Variants in LRRD1 observed in about 807,000 individuals in gnomAD.
The protein encoded by LRRD1 is leucine-rich repeat and death domain-containing protein 1.
LRRD1 carries 49 observed loss-of-function variants against 69.5 expected under a neutral mutation model. That is an observed-to-expected ratio of 0.70 (90% CI 0.56 to 0.89). The LOEUF (loss-of-function observed/expected upper bound fraction) is 0.89, where lower values mean the gene tolerates loss of function less well. LRRD1 is among the 40% of genes least tolerant of loss of function. LRRD1 has a pLI of 0.00. For synonymous variants in LRRD1, 303 were observed against 338.9 expected (o/e 0.89, Z 1.16); for missense variants, 853 against 956.0 (o/e 0.89, Z 1.42).
At chr7:92,150,068 A>G (rs1820427123) in intron 4 of LRRD1, 1 of 284,136 alleles carries the variant, frequency 3.5e-6, no homozygotes, top group Non-Finnish European at 7.4e-6. Context: ...TGAATTATCA[A>G]AACAAACTCC....
intron 1 of LRRD1, among the ~76,000 whole-genome samples, chr7:92,172,556 G>GA (rs35806171): frequency 3.5e-4 from 52 of 148,450 alleles, no homozygotes; most frequent in African/African-American, 1.0e-3. Flanking sequence ...TGAACAATCT[G>GA]AAAAAAAAAA....
Position 92,144,904 on chromosome 7 carries a change from C to A in LRRD1, c.2567G>T (p.Arg856Leu). 1 of 1,489,892 alleles carries A rather than the reference C, an allele frequency of 6.7e-7. No individual in the cohort carries two copies. The highest frequency in any genetic ancestry group is 9.0e-7 in the Non-Finnish European group (1 of 1,111,488). The allele number at this position is 1,489,892 out of a possible 1,614,324, so 92.3% of individuals were successfully genotyped here. A position where few individuals can be genotyped will look rare whatever the true frequency, so the allele number is the denominator to read the frequency against. Residue 856 changes from arginine to leucine, a missense_variant, in exon 6 of 6, where the codon CGT (arginine) becomes CTT (leucine). Arg to Leu is a moderately radical substitution (Grantham distance 102). This residue lies in a region of LRRD1 where 739 missense variants were observed against 808.0 expected (regional missense o/e 0.91). Transcript: ENST00000458448. ...DKITALNLFT[R>L]AIKF Reference sequence around the variant, plus strand: ...ATCCACTGGTTAGAATTTAATTGCACGCGTAAAAAGATTTAAAGCTGTTAT... The same window carrying A: ...ATCCACTGGTTAGAATTTAATTGCAAGCGTAAAAAGATTTAAAGCTGTTAT...
chr7:92,172,264 T>C (rs6947025), intron 1 of LRRD1, among the ~76,000 whole-genome samples: 59 of 152,206 alleles, frequency 3.9e-4, no homozygotes, highest in African/African-American at 1.4e-3. Context: ...TTGAAAGCAT[T>C]TCCTCTAAGA....
At chr7:92,157,040 T>C (rs1356531096) in intron 3 of LRRD1, among the ~76,000 whole-genome samples, 2 of 150,510 alleles carry the variant, frequency 1.3e-5, no homozygotes, top group Non-Finnish European at 3.0e-5. Context: ...TTTTTTTTTT[T>C]TTTTTTTTGA....
chr7:92,177,496 T>C (rs1052866385), intron 1 of LRRD1, among the ~76,000 whole-genome samples: 1 of 152,208 alleles, frequency 6.6e-6, no homozygotes, highest in Non-Finnish European at 1.5e-5. Context: ...ATTCTACACA[T>C]AATGCCCCTG....
intron 3 of LRRD1, among the ~76,000 whole-genome samples, 200 bp from the exon 4 acceptor site, chr7:92,150,895 G>A (rs917875089): frequency 6.6e-6 from 1 of 152,138 alleles, no homozygotes; most frequent in African/African-American, 2.4e-5. Flanking sequence ...TTCTCTCCTA[G>A]GGGTGGCAAA....
intron 3 of LRRD1, among the ~76,000 whole-genome samples, chr7:92,151,964 A>G (rs1000783614): frequency 1.7e-4 from 26 of 150,988 alleles, no homozygotes; most frequent in Admixed American, 1.1e-3. Flanking sequence ...AAAAAAAAAA[A>G]GAAGTAAAAC....
At position 92,164,185 on chromosome 7, in the gene LRRD1, A is replaced by T. The variant is rs1300207521; in HGVS notation, c.1018T>A (p.Phe340Ile). The change falls in exon 2 of 6, where the codon TTT becomes ATT. Residue 340 changes from phenylalanine to isoleucine, a missense_variant. Coordinates refer to ENST00000458448, the MANE Select transcript of LRRD1 (RefSeq NM_001161528.2). ...AACTGAAAAATTTCTACAGCCAGAAAGGTAAGCTTATTGTGATCCATTAAA... is the reference window on the plus strand; with the variant it reads ...AACTGAAAAATTTCTACAGCCAGAATGGTAAGCTTATTGTGATCCATTAAA... Reference protein sequence around the residue: ...TLLMDHNKLTFLAVEIFQLLK... With the variant: ...TLLMDHNKLTILAVEIFQLLK... 5 of 1,547,982 alleles carry T rather than the reference A, an allele frequency of 3.2e-6. No homozygotes were observed. The Admixed American group carries it at 6.0e-5, about 19-fold the overall frequency.
intron 4 of LRRD1, among the ~76,000 whole-genome samples, chr7:92,148,621 G>A (rs1820390486): frequency 6.6e-6 from 1 of 152,230 alleles, no homozygotes; most frequent in African/African-American, 2.4e-5. Context: ...GGCTCCTTGG[G>A]TGTAGGGAAA....
intron 1 of LRRD1, among the ~76,000 whole-genome samples, chr7:92,177,258 G>T (rs1416724410): frequency 6.6e-6 from 1 of 151,020 alleles, no homozygotes. Flanking sequence ...GTCCAGTTTT[G>T]GTTTCAAGGT....
intron 1 of LRRD1, among the ~76,000 whole-genome samples, chr7:92,167,606 G>A (rs1215110454): frequency 2.0e-5 from 3 of 151,574 alleles, no homozygotes; most frequent in Non-Finnish European, 2.9e-5. Context: ...AGCCGGGCGC[G>A]GTGGCTCACG....
chr7:92,143,931 G>A (rs1335313407), downstream of LRRD1, among the ~76,000 whole-genome samples: 1 of 152,238 alleles, frequency 6.6e-6, no homozygotes, highest in African/African-American at 2.4e-5. Flanking sequence ...ATGGTTAAAT[G>A]AGTAGAAGAT....
chr7:92,142,526 C>T (rs1820182642), downstream of LRRD1: 1 of 456,548 alleles, frequency 2.2e-6, no homozygotes, highest in African/African-American at 2.0e-5. Flanking sequence ...CTGTTAATGG[C>T]CTGGCTTAAG....
chr7:92,159,109 C>T lies in LRRD1; in HGVS notation c.2012G>A (p.Gly671Glu), dbSNP rs1445693554. 6.5e-7 allele frequency: 1 copy of T among 1,547,456 alleles called. No individual in the cohort carries two copies. Among genetic ancestry groups the T allele is most frequent in the Non-Finnish European group, 8.7e-7 (1 of 1,145,228 alleles). ...NAIREIPRNI[G>E]ELRNLVSLHA... ...TAAACTAACCAAATTTCTCAATTCT[C>T]CTATATTTCTTGGAATCTCTCTGAT... The change falls in exon 3 of 6, where the codon GGA becomes GAA. Residue 671 changes from glycine (G) to glutamate (E), a missense_variant. Gly to Glu is a moderately conservative substitution (Grantham distance 98). Around this residue, in one of 3 missense-constraint regions of LRRD1, gnomAD observed 739 missense variants for 808.0 expected, o/e 0.91. Transcript: ENST00000458448.
intron 4 of LRRD1, among the ~76,000 whole-genome samples, chr7:92,147,569 C>A (rs377215383): frequency 1.3e-5 from 2 of 152,116 alleles, no homozygotes; most frequent in African/African-American, 2.4e-5. Context: ...ACTTGAGAAA[C>A]TAAGTTCACA....
intron 1 of LRRD1, among the ~76,000 whole-genome samples, chr7:92,173,808 T>C (rs1029094586): frequency 5.3e-5 from 8 of 152,160 alleles, no homozygotes; most frequent in Non-Finnish European, 1.0e-4. Context: ...TAGTATATGG[T>C]TCAGGAATTC....
At chr7:92,149,754 TG>T (rs1820419100) in intron 4 of LRRD1, among the ~76,000 whole-genome samples, 1 of 152,220 alleles carries the variant, frequency 6.6e-6, no homozygotes, top group African/African-American at 2.4e-5. Flanking sequence ...TCACACACTA[TG>T]TTGCCCAGGC....
chr7:92,166,973 G>T (rs1315095466), intron 1 of LRRD1, among the ~76,000 whole-genome samples: 1 of 152,088 alleles, frequency 6.6e-6, no homozygotes, highest in African/African-American at 2.4e-5. Flanking sequence ...AAATAAAATG[G>T]TCATTAGTCA....
At chr7:92,171,220 A>G (rs943356548) in intron 1 of LRRD1, among the ~76,000 whole-genome samples, 1 of 152,130 alleles carries the variant, frequency 6.6e-6, no homozygotes, top group African/African-American at 2.4e-5. Flanking sequence ...TTGAGACTAA[A>G]AAAGAATACA....
Sources: allele counts gnomAD v4.1 joint callset (sites outside exome capture counted in the v4.1 genomes callset), GRCh38; gene constraint gnomAD v4.1.1; regional missense constraint gnomAD v4.1.1; transcripts MANE v1.5; gene names NCBI Gene and HGNC (gene_info 2026-07-23, HGNC 2026-07-21).